FSTL5: variants seen among roughly 807,000 people sequenced by gnomAD.
FSTL5 encodes follistatin like 5.
In FSTL5, 62 loss-of-function variants were observed where a neutral mutation model predicts 89.1. The observed-to-expected ratio is 0.70, with a 90% CI of 0.57 to 0.86. The LOEUF (loss-of-function observed/expected upper bound fraction) is 0.86, where lower values mean the gene tolerates loss of function less well. Among genes scored for constraint, FSTL5 ranks in the 40% least tolerant of loss-of-function variants. FSTL5 has a pLI of 0.00. For missense variants in FSTL5, 1,057 were observed against 1,001.6 expected, an observed-to-expected ratio of 1.06 and a Z score of -0.75; for synonymous variants, 383 against 346.2, an observed-to-expected ratio of 1.11 and a Z score of -1.18.
chr4:161,660,659 G>T (rs1243071826), intron 6 of FSTL5, among the ~76,000 whole-genome samples: 3 of 151,910 alleles, frequency 2.0e-5, no homozygotes, highest in Non-Finnish European at 4.4e-5. Flanking sequence ...AGTGTGTGTT[G>T]TTCCCATCTA....
intron 6 of FSTL5, among the ~76,000 whole-genome samples, chr4:161,683,384 T>C (rs912006063): frequency 1.3e-5 from 2 of 152,130 alleles, no homozygotes; most frequent in African/African-American, 4.8e-5. Flanking sequence ...AAATACATAA[T>C]AGATAATATA....
chr4:161,587,489 T>C lies in FSTL5; in HGVS notation c.981A>G (p.Glu327=). Residue 327 remains glutamate, a synonymous_variant, in exon 8 of 16, where the codon GAA becomes GAG. Coordinates refer to ENST00000306100, the MANE Select transcript of FSTL5 (RefSeq NM_020116.5). ...GGAAGATGTGAGTCTGATAGACTTG[T>C]TCATAGCCATCTGCATAGCAGGTGT... ...GNYTCYADGY[E]QVYQTHIFQV... The C allele has an allele frequency of 1.2e-6, 2 of 1,613,396 alleles. No individual in the cohort carries two copies. The highest frequency in any genetic ancestry group is 2.7e-5 in the African/African-American group (2 of 75,016).
intron 7 of FSTL5, among the ~76,000 whole-genome samples, chr4:161,603,583 T>A (rs944722687): frequency 6.6e-6 from 1 of 152,186 alleles, no homozygotes; most frequent in African/African-American, 2.4e-5. Flanking sequence ...GTTCTGTTAT[T>A]AAAGCCACCA....
chr4:161,504,005 G>C (rs1324922553), intron 11 of FSTL5, among the ~76,000 whole-genome samples: 5 of 151,786 alleles, frequency 3.3e-5, no homozygotes, highest in Non-Finnish European at 7.4e-5. Flanking sequence ...TGTTACGTGG[G>C]ATATCACAAT....
intron 1 of FSTL5, among the ~76,000 whole-genome samples, chr4:162,153,782 C>T (rs28473580): frequency 8.0e-6 from 1 of 124,898 alleles, no homozygotes; most frequent in South Asian, 2.4e-4. Context: ...TATATGTATA[C>T]ATATATATGT....
chr4:161,671,759 C>A (rs1737122933), intron 6 of FSTL5, among the ~76,000 whole-genome samples: 1 of 152,042 alleles, frequency 6.6e-6, no homozygotes, highest in South Asian at 2.1e-4. Flanking sequence ...AGTTGCTATA[C>A]CCAGAATCCA....
At chr4:161,820,222 A>T (rs1158012829) in intron 4 of FSTL5, among the ~76,000 whole-genome samples, 1 of 152,180 alleles carries the variant, frequency 6.6e-6, no homozygotes, top group Non-Finnish European at 1.5e-5. Context: ...TTATTGGAAG[A>T]TAAAGATTAC....
intron 3 of FSTL5, among the ~76,000 whole-genome samples, chr4:161,940,094 G>T (rs1437834347): frequency 6.6e-6 from 1 of 151,628 alleles, no homozygotes; most frequent in Non-Finnish European, 1.5e-5. Flanking sequence ...ACCAGTTATT[G>T]TAAGAGCCAG....
chr4:162,081,090 C>T (rs1561008300), intron 2 of FSTL5, among the ~76,000 whole-genome samples: 1 of 151,560 alleles, frequency 6.6e-6, no homozygotes, highest in Admixed American at 6.6e-5. Flanking sequence ...TTTATCCACG[C>T]CCTCTAAATA....
intron 12 of FSTL5, among the ~76,000 whole-genome samples, chr4:161,487,087 T>C (rs181489084): frequency 7.2e-5 from 11 of 152,278 alleles, no homozygotes; most frequent in Admixed American, 4.6e-4. Flanking sequence ...TTTCACAGAA[T>C]TTTTATTTTG....
rs188214065 is a variant in FSTL5 at position 161,446,610 on chromosome 4, C to T, written c.1841+8394G>A. ...TCAATGTACATTATCTTTTTCTTCA[C>T]CAAAATTTTATGAGAACTAGCTAAT... On this transcript the variant is annotated intron_variant, in intron 15 of 15. Transcript: ENST00000306100. Among the ~76,000 whole-genome samples the T allele has an allele frequency of 2.8e-3, 421 of 152,052 alleles. 4 individuals carry two copies. The highest frequency in any genetic ancestry group is 9.8e-3 in the African/African-American group (405 of 41,522).
intron 1 of FSTL5, among the ~76,000 whole-genome samples, chr4:162,145,106 T>C (rs778887897): frequency 9.2e-5 from 14 of 151,826 alleles, no homozygotes; most frequent in Non-Finnish European, 4.4e-5. Context: ...ATGTAATGAA[T>C]ACACACATAT....
At chr4:161,626,228 G>C (rs570537984) in intron 7 of FSTL5, among the ~76,000 whole-genome samples, 3 of 152,272 alleles carry the variant, frequency 2.0e-5, no homozygotes, top group African/African-American at 4.8e-5. Context: ...TGTAGTTAGA[G>C]AGAAGACAAT....
chr4:161,614,092 T>C (rs1252648946), intron 7 of FSTL5, among the ~76,000 whole-genome samples: 2 of 152,302 alleles, frequency 1.3e-5, no homozygotes, highest in East Asian at 3.9e-4. Context: ...TTATTTAATC[T>C]CCCTAAAGTA....
At position 161,459,253 on chromosome 4, in the gene FSTL5, G is replaced by T; in HGVS notation, c.1675C>A (p.Leu559Ile). 4 of 1,613,190 alleles carry T rather than the reference G, an allele frequency of 2.5e-6. No homozygotes were observed. The South Asian group carries it at 4.4e-5, about 18-fold the overall frequency. ...YDKSHDQVWV[L>I]SWGTLEKTSP... ...GTCTTCTCCAAGGTACCCCAGCTTAGCACCCAGACCTGATCATGTGATTTG... is the reference window on the plus strand; with the variant it reads ...GTCTTCTCCAAGGTACCCCAGCTTATCACCCAGACCTGATCATGTGATTTG... Residue 559 changes from leucine to isoleucine, a missense_variant, in exon 14 of 16, where the codon CTA becomes ATA. Around this residue, in one of 3 missense-constraint regions of FSTL5, gnomAD observed 980 missense variants for 903.2 expected, o/e 1.08. Coordinates refer to ENST00000306100, the MANE Select transcript of FSTL5 (RefSeq NM_020116.5).
At chr4:162,085,634 A>T (rs1328821978) in intron 2 of FSTL5, among the ~76,000 whole-genome samples, 1 of 152,108 alleles carries the variant, frequency 6.6e-6, no homozygotes, top group Non-Finnish European at 1.5e-5. Context: ...TTACATCACC[A>T]GTTTCATTAA....
chr4:161,991,481 A>T (rs1736110552), intron 3 of FSTL5, among the ~76,000 whole-genome samples: 1 of 152,154 alleles, frequency 6.6e-6, no homozygotes, highest in Non-Finnish European at 1.5e-5. Flanking sequence ...TTATTAACTC[A>T]TTTGAAAATG....
At chr4:161,819,243 T>C (rs1443283096) in intron 4 of FSTL5, among the ~76,000 whole-genome samples, 1 of 152,122 alleles carries the variant, frequency 6.6e-6, no homozygotes, top group Non-Finnish European at 1.5e-5. Flanking sequence ...TGATCAGAAC[T>C]TAAAGTCTTT....
chr4:161,818,180 G>A (rs1449964959), intron 4 of FSTL5, among the ~76,000 whole-genome samples: 1 of 152,106 alleles, frequency 6.6e-6, no homozygotes, highest in African/African-American at 2.4e-5. Context: ...ACACCCGCAG[G>A]CCACCCCACC....
Sources: gnomAD v4.1 joint callset for allele counts (sites outside exome capture counted in the v4.1 genomes callset) on GRCh38, gnomAD v4.1.1 for gene constraint, gnomAD v4.1.1 regional missense constraint, MANE v1.5 for transcripts, NCBI Gene and HGNC (gene_info 2026-07-23, HGNC 2026-07-21) for gene names.